The following ADAMTS17 variants were observed in gnomAD, a reference collection of about 807,000 sequenced individuals.
ADAMTS17 encodes ADAM metallopeptidase with thrombospondin type 1 motif 17.
In ADAMTS17, 113 loss-of-function variants were observed where a neutral mutation model predicts 141.5. The observed-to-expected ratio is 0.80, with a 90% CI of 0.69 to 0.93. The LOEUF is 0.93. Among genes scored for constraint, ADAMTS17 ranks in the 40% least tolerant of loss-of-function variants. The pLI, the probability that ADAMTS17 is intolerant of heterozygous loss-of-function variation, is 0.00. For missense variants in ADAMTS17, 1,659 were observed against 1,517.9 expected, an observed-to-expected ratio of 1.09 and a Z score of -1.54; for synonymous variants, 768 against 630.6, an observed-to-expected ratio of 1.22 and a Z score of -3.27.
chr15:100,119,145 C>A (rs753208348), intron 12 of ADAMTS17, among the ~76,000 whole-genome samples: 18 of 151,816 alleles, frequency 1.2e-4, no homozygotes, highest in African/African-American at 4.4e-4. Context: ...GGAACAGATT[C>A]TCCCTCACAG....
chr15:99,997,443 A>G lies in ADAMTS17; in HGVS notation c.2738T>C (p.Val913Ala), dbSNP rs746767578. ...GCAGTCCTGGCCTTCACAGCTCTGC[A>G]CTGCCGCCGGCCGGGGGCCCGGGCA... The part of the protein sequence containing the change: ...LYCPGPRPAA[V>A]QSCEGQDCLS... Residue 913 changes from valine (V) to alanine (A), a missense_variant, in exon 19 of 22, where the codon GTG (valine) becomes GCG (alanine). By Grantham distance (64) the Val-to-Ala change is moderately conservative (BLOSUM62 0). Coordinates refer to ENST00000268070, the MANE Select transcript of ADAMTS17 (RefSeq NM_139057.4). The surrounding 1 kb of genome is among the most constrained non-coding windows in gnomAD (Gnocchi z 4.7). 13 of 1,613,506 alleles carry G rather than the reference A, an allele frequency of 8.1e-6. No homozygotes were observed. In the African/African-American group the frequency reaches 9.3e-5, roughly 12 times the overall value.
chr15:100,279,173 G>A (rs951225643), intron 4 of ADAMTS17, among the ~76,000 whole-genome samples: 2 of 152,122 alleles, frequency 1.3e-5, no homozygotes, highest in Admixed American at 1.3e-4. Context: ...CCACACATGG[G>A]CAAAGAGTCA....
At chr15:100,180,287 C>A (rs560357115) in intron 8 of ADAMTS17, among the ~76,000 whole-genome samples, 1 of 152,158 alleles carries the variant, frequency 6.6e-6, no homozygotes, top group Non-Finnish European at 1.5e-5. Flanking sequence ...CTTTCCCCAA[C>A]GTATGTTCTT....
intron 10 of ADAMTS17, among the ~76,000 whole-genome samples, chr15:100,149,236 C>A (rs139583130): frequency 3.3e-5 from 5 of 152,240 alleles, no homozygotes; most frequent in South Asian, 2.1e-4. Flanking sequence ...ATGTCCCAGG[C>A]CTAGGGCAGC....
At chr15:100,131,929 T>G in intron 12 of ADAMTS17, 78 bp downstream of exon 12, 1 of 1,605,812 alleles carries the variant, frequency 6.2e-7, no homozygotes, top group South Asian at 1.1e-5. Flanking sequence ...CAGACCCTGC[T>G]TTGTGTGAGG....
chr15:100,320,807 T>C (rs1167745540), intron 3 of ADAMTS17, among the ~76,000 whole-genome samples: 3 of 152,064 alleles, frequency 2.0e-5, no homozygotes, highest in African/African-American at 7.2e-5. Context: ...CACTCCAGCA[T>C]GGGAGACAGA....
chr15:100,175,341 G>A (rs2040300688), intron 8 of ADAMTS17, among the ~76,000 whole-genome samples: 1 of 152,132 alleles, frequency 6.6e-6, no homozygotes, highest in Non-Finnish European at 1.5e-5. Context: ...CCTTATCCTT[G>A]GTCACCCGGC....
At chr15:100,050,119 C>A (rs1166186264) in intron 17 of ADAMTS17, among the ~76,000 whole-genome samples, 1 of 152,126 alleles carries the variant, frequency 6.6e-6, no homozygotes, top group African/African-American at 2.4e-5. Flanking sequence ...TTGCTGCTGC[C>A]CCACATGGCA....
At chr15:99,996,648 T>C (rs1304224659) in intron 19 of ADAMTS17, among the ~76,000 whole-genome samples, 2 of 152,382 alleles carry the variant, frequency 1.3e-5, no homozygotes, top group East Asian at 3.9e-4. Flanking sequence ...TAATTCCAAC[T>C]GTTTGGCAAT....
At chr15:99,980,561 C>T (rs895165270) in intron 20 of ADAMTS17, 1 of 152,254 alleles carries the variant, frequency 6.6e-6, no homozygotes, top group African/African-American at 2.4e-5. Context: ...GATGGAGGAA[C>T]CCGCCTCACT....
rs116803031 is a variant in ADAMTS17 at position 100,093,209 on chromosome 15, G to C, written c.2137+3147C>G. ...TGCCACACTGGGACCTGTCATGACA[G>C]AGAGGGAGATTTGGCTCTGCTGGGC... On this transcript the variant is annotated intron_variant, in intron 15 of 21. Coordinates refer to ENST00000268070, the MANE Select transcript of ADAMTS17 (RefSeq NM_139057.4). 6.3e-3 allele frequency among the ~76,000 whole-genome samples: 952 copies of C among 152,300 alleles called. 10 individuals carry two copies. The highest frequency in any genetic ancestry group is 0.021 in the African/African-American group (881 of 41,560).
intron 3 of ADAMTS17, among the ~76,000 whole-genome samples, chr15:100,287,813 A>C (rs1403342525): frequency 1.3e-5 from 2 of 152,262 alleles, no homozygotes; most frequent in East Asian, 1.9e-4. Context: ...GCAAATGCTA[A>C]GGGAATTTAA....
intron 18 of ADAMTS17, among the ~76,000 whole-genome samples, chr15:100,002,495 A>C (rs1321754394): frequency 6.6e-6 from 1 of 152,026 alleles, no homozygotes; most frequent in Non-Finnish European, 1.5e-5. Context: ...TCCAGGACAC[A>C]CTGGGGGGAC....
intron 2 of ADAMTS17, among the ~76,000 whole-genome samples, chr15:100,335,663 C>T (rs562043397): frequency 1.3e-5 from 2 of 151,146 alleles, no homozygotes; most frequent in Admixed American, 6.6e-5. Context: ...GAACAGCCTG[C>T]AGGGCAGGAG....
chr15:100,223,731 TACAC>T (rs2042210408), intron 7 of ADAMTS17, among the ~76,000 whole-genome samples: 1 of 145,880 alleles, frequency 6.9e-6, no homozygotes, highest in African/African-American at 2.7e-5. Flanking sequence ...AGTGTATATA[TACAC>T]ATGTATGTGT....
chr15:100,309,292 G>A (rs1019065781), intron 3 of ADAMTS17, among the ~76,000 whole-genome samples: 2 of 152,226 alleles, frequency 1.3e-5, no homozygotes, highest in South Asian at 2.1e-4. Context: ...GAGGAAGGTC[G>A]AGGCTGCAGT....
Position 99,997,645 on chromosome 15 carries a change from G to A in ADAMTS17, c.2592-56C>T, listed in dbSNP as rs112856607. On this transcript the variant is annotated intron_variant, in intron 18 of 21. Coordinates refer to ENST00000268070, the MANE Select transcript of ADAMTS17 (RefSeq NM_139057.4). The surrounding 1 kb of genome is among the most constrained non-coding windows in gnomAD (Gnocchi z 4.7). ...GACTGGGTGAGAGGCCAGCCTCTCC[G>A]GAGGGCCTTCCGGCCGGATCCTGGA... 7.6e-3 allele frequency: 12,171 copies of A among 1,604,250 alleles called. 59 individuals are homozygous for A. The highest frequency in any genetic ancestry group is 0.01 in the South Asian group (916 of 90,850).
chr15:99,999,138 C>T (rs981867629), intron 18 of ADAMTS17, among the ~76,000 whole-genome samples: 14 of 152,156 alleles, frequency 9.2e-5, no homozygotes, highest in African/African-American at 2.7e-4. Flanking sequence ...GGGCCTCCCA[C>T]GTGCCAGGCA....
At position 100,155,255 on chromosome 15, in the gene ADAMTS17, T is replaced by C; in HGVS notation, c.1247A>G (p.Glu416Gly). 2.5e-6 allele frequency: 4 copies of C among 1,614,156 alleles called. No homozygotes were observed. The African/African-American group carries it at 5.3e-5, about 22-fold the overall frequency. Reference protein sequence around the residue: ...CAGRSHIMSGEWVKGRNPSDL... With the variant: ...CAGRSHIMSGGWVKGRNPSDL... ...ACTTGGGTTCCGGCCTTTCACCCAC[T>C]CTCCTGACATGATGTGGGACCTGCC... is the stretch of plus-strand genomic sequence containing the variant. The change falls in exon 9 of 22, where the codon GAG (glutamate) becomes GGG (glycine). Residue 416 changes from glutamate (E) to glycine (G), a missense_variant. Coordinates refer to ENST00000268070, the MANE Select transcript of ADAMTS17 (RefSeq NM_139057.4).
Sources: allele counts gnomAD v4.1 joint callset (sites outside exome capture counted in the v4.1 genomes callset), GRCh38; gene constraint gnomAD v4.1.1; non-coding constraint Gnocchi (gnomAD v3.1); transcripts MANE v1.5; gene names NCBI Gene and HGNC (gene_info 2026-07-23, HGNC 2026-07-21).